The following GTF2I variants were observed in gnomAD, a reference collection of about 807,000 sequenced individuals.
GTF2I encodes the protein general transcription factor IIi, also known as general transcription factor II-I.
Under a neutral mutation model 67.6 loss-of-function variants are expected in GTF2I, and 12 were observed. The observed-to-expected ratio is 0.18, with a 90% CI of 0.11 to 0.29. The LOEUF is 0.29. Among genes scored for constraint, GTF2I ranks in the 10% least tolerant of loss-of-function variants. GTF2I has a pLI of 1.00. For synonymous variants in GTF2I, 149 were observed against 197.0 expected (o/e 0.76, Z 2.04); for missense variants, 271 against 580.1 (o/e 0.47, Z 5.47).
chr7:74,676,088 C>G (rs1047141135), intron 1 of GTF2I, among the ~76,000 whole-genome samples: 1 of 151,982 alleles, frequency 6.6e-6, no homozygotes, highest in South Asian at 2.1e-4. Flanking sequence ...TTGGATAGAT[C>G]TGGATTCTAT....
At chr7:74,688,306 C>A (rs189271000) in intron 1 of GTF2I, among the ~76,000 whole-genome samples, 1 of 152,098 alleles carries the variant, frequency 6.6e-6, no homozygotes, top group East Asian at 1.9e-4. Flanking sequence ...CTCGAACTCC[C>A]GACCTCAGGT....
intron 1 of GTF2I, among the ~76,000 whole-genome samples, chr7:74,662,390 A>C (rs1804584733): frequency 6.7e-6 from 1 of 148,536 alleles, no homozygotes; most frequent in Admixed American, 6.7e-5. Context: ...TTGTATTTTT[A>C]GTAGAGACGG....
chr7:74,707,621 T>C (rs1241457652), intron 8 of GTF2I, among the ~76,000 whole-genome samples: 5 of 152,226 alleles, frequency 3.3e-5, no homozygotes, highest in Non-Finnish European at 7.3e-5. Flanking sequence ...TCTTTTACAC[T>C]GTTTGCTGGT....
At chr7:74,717,124 C>CTTAGAA in intron 11 of GTF2I, 174 bp downstream of exon 11, 1 of 770,212 alleles carries the variant, frequency 1.3e-6, no homozygotes, top group Non-Finnish European at 1.9e-6. Flanking sequence ...TAATATACTT[C>CTTAGAA]TTTGACCATA....
rs374206708 is a variant in GTF2I, at chr7:74,709,807, G to A, written c.686-1225G>A. Among the ~76,000 whole-genome samples the A allele has an allele frequency of 2.6e-5, 4 of 151,474 alleles. No homozygotes were observed. In the East Asian group the frequency reaches 7.8e-4, roughly 30 times the overall value. On this transcript the variant is annotated intron_variant, in intron 8 of 34. Transcript: ENST00000573035. ...TGTGCCTCAGCCTCTCGGGTAGCTG[G>A]GACTACAGGTGCGTGCCACCACTCC...
At chr7:74,687,310 C>T (rs587612099) in intron 1 of GTF2I, among the ~76,000 whole-genome samples, 17 of 152,184 alleles carry the variant, frequency 1.1e-4, no homozygotes, top group African/African-American at 2.9e-4. Context: ...CTGCAACCTC[C>T]GCCTCCTGGG....
intron 8 of GTF2I, among the ~76,000 whole-genome samples, chr7:74,707,875 T>G (rs1282743694): frequency 6.6e-6 from 1 of 150,500 alleles, no homozygotes; most frequent in Admixed American, 6.6e-5. Context: ...CATTATAGGT[T>G]TTTTTTTTTC....
chr7:74,718,834 C>T (rs1554404066), intron 11 of GTF2I, 45 bp from the exon 12 acceptor site: 1 of 970,950 alleles, frequency 1.0e-6, no homozygotes, highest in Non-Finnish European at 1.6e-6. Context: ...CATATGGAAA[C>T]ATGCTTAATA....
rs191340400 is a variant in GTF2I at position 74,710,871 on chromosome 7, C to T, written c.686-161C>T. 9.5e-4 allele frequency among the ~76,000 whole-genome samples: 144 copies of T among 152,242 alleles called. 1 individual carries two copies. Among genetic ancestry groups the T allele is most frequent in the African/African-American group, 3.2e-3 (132 of 41,532 alleles). ...TGGCTGGGATTATAGTGATTTTTTA[C>T]CTTCTGCTACCTAGCAAACTTTTGT... On this transcript the variant is annotated intron_variant, in intron 8 of 34. Transcript: ENST00000573035.
chr7:74,727,102 G>A (rs1206870920), intron 12 of GTF2I: 2 of 152,130 alleles, frequency 1.3e-5, no homozygotes, highest in African/African-American at 4.8e-5. Context: ...CTTTACAAAA[G>A]CACTTCTGTC....
chr7:74,681,153 G>A (rs956223950), intron 1 of GTF2I, among the ~76,000 whole-genome samples: 10 of 152,140 alleles, frequency 6.6e-5, no homozygotes. Flanking sequence ...AAAAATGGGA[G>A]GCTGGGCGCA....
At chr7:74,750,593 C>CTT (rs782022584) in intron 26 of GTF2I, among the ~76,000 whole-genome samples, 51 of 69,000 alleles carry the variant, frequency 7.4e-4, no homozygotes, top group African/African-American at 1.0e-3. Context: ...AAGCTGGCCA[C>CTT]TTTTTTTTTT....
chr7:74,732,987 G>A (rs1239759523), intron 15 of GTF2I, among the ~76,000 whole-genome samples: 2 of 150,334 alleles, frequency 1.3e-5, no homozygotes, highest in Non-Finnish European at 3.0e-5. Context: ...TTTTTTTCGA[G>A]ATGGAGTCTC....
At position 74,691,188 on chromosome 7, in the gene GTF2I, TTTTC is replaced by T. The variant is rs1170190379; in HGVS notation, c.238+97_238+100del. 709 of 1,078,206 alleles carry T rather than the reference TTTTC, an allele frequency of 6.6e-4. 4 individuals are homozygous for T. The highest frequency in any genetic ancestry group is 6.2e-4 in the Admixed American group (23 of 37,222). The allele number at this position is 1,078,206 out of a possible 1,614,324, so 66.8% of individuals were successfully genotyped here. On this transcript the variant is annotated intron_variant, in intron 3 of 34. Transcript: ENST00000573035. ...TTTGTAGGTAAGACAAGTTATATTA[TTTTC>T]TTTCTTTCTTTCTTTCTTTTTTTTT...
Position 74,717,471 on chromosome 7 carries a change from C to T in GTF2I, c.880+521C>T, listed in dbSNP as rs182252243. On this transcript the variant is annotated intron_variant, in intron 11 of 34. Coordinates refer to ENST00000573035, the MANE Select transcript of GTF2I (RefSeq NM_032999.4). ...CTACAGCTTTGGTTTTAGAATTGAA[C>T]GCCTGACTGAGGTACAGTTCTTTTT... Among the ~76,000 whole-genome samples, 307 of 152,172 alleles carry T rather than the reference C, an allele frequency of 2.0e-3. 2 individuals carry two copies. The highest frequency in any genetic ancestry group is 2.8e-3 in the Non-Finnish European group (193 of 67,988).
intron 18 of GTF2I, among the ~76,000 whole-genome samples, chr7:74,737,242 C>T (rs1450813307): frequency 2.0e-5 from 3 of 149,444 alleles, no homozygotes; most frequent in Non-Finnish European, 4.5e-5. Context: ...TGTTATTGAG[C>T]GTTTTTAAGG....
rs782106889 is a variant in GTF2I at position 74,714,903 on chromosome 7, G to A, written c.810G>A (p.Ser270=). The change falls in exon 10 of 35, where the codon TCG becomes TCA. Residue 270 remains serine (S), a synonymous_variant. Transcript: ENST00000573035. The stretch of plus-strand genomic sequence containing the variant: ...ATGTTGATGAAAAACAGCCCCTATC[G>A]AAGCCTTTGCAAGGTATAATCTTTT... ...TDDVDEKQPL[S]KPLQGSHHSS... 8.7e-6 allele frequency: 14 copies of A among 1,603,500 alleles called. No homozygotes were observed. The highest frequency in any genetic ancestry group is 6.7e-5 in the South Asian group (6 of 89,794).
intron 3 of GTF2I, among the ~76,000 whole-genome samples, chr7:74,696,974 GTCTC>G (rs1788985888): frequency 1.3e-5 from 2 of 152,150 alleles, no homozygotes; most frequent in African/African-American, 2.4e-5. Flanking sequence ...TATCATGTGA[GTCTC>G]TCACATAATT....
At chr7:74,722,452 C>T (rs1176054672) in intron 12 of GTF2I, among the ~76,000 whole-genome samples, 1 of 152,160 alleles carries the variant, frequency 6.6e-6, no homozygotes, top group African/African-American at 2.4e-5. Flanking sequence ...TCAGGTCTAG[C>T]TGTCATGGGA....
Sources: allele counts gnomAD v4.1 joint callset (sites outside exome capture counted in the v4.1 genomes callset), GRCh38; gene constraint gnomAD v4.1.1; transcripts MANE v1.5; gene names NCBI Gene and HGNC (gene_info 2026-07-23, HGNC 2026-07-21).